The following PTPRD variants were observed in gnomAD, a reference collection of about 807,000 sequenced individuals.
PTPRD encodes protein tyrosine phosphatase receptor type D.
In PTPRD, 34 loss-of-function variants were observed where a neutral mutation model predicts 214.5. The observed-to-expected ratio is 0.16, with a 90% CI of 0.12 to 0.21. The LOEUF (loss-of-function observed/expected upper bound fraction) is 0.21, where lower values mean the gene tolerates loss of function less well. Ranked by LOEUF, PTPRD falls within the 10% of genes least tolerant of loss-of-function variation. The pLI is 1.00. For missense variants in PTPRD, 2,545 were observed against 2,398.7 expected (o/e 1.06, Z -1.27); for synonymous variants, 1,128 against 845.7 (o/e 1.33, Z -5.79).
chr9:8,387,536 C>T (rs961904531), intron 37 of PTPRD, among the ~76,000 whole-genome samples: 1 of 152,170 alleles, frequency 6.6e-6, no homozygotes, highest in African/African-American at 2.4e-5. Context: ...TATCTCCAGG[C>T]AGAACAGACT....
At chr9:9,405,711 C>G (rs924651616) in intron 8 of PTPRD, among the ~76,000 whole-genome samples, 27 of 152,090 alleles carry the variant, frequency 1.8e-4, no homozygotes, top group Admixed American at 1.3e-3. Flanking sequence ...GTGGTTGGTG[C>G]AAAATCGAAT....
chr9:9,222,746 T>C (rs1238737720), intron 9 of PTPRD, among the ~76,000 whole-genome samples: 1 of 152,044 alleles, frequency 6.6e-6, no homozygotes, highest in Non-Finnish European at 1.5e-5. Flanking sequence ...TCAATAGATG[T>C]TGTTTACAGT....
intron 2 of PTPRD, among the ~76,000 whole-genome samples, chr9:10,428,712 A>G (rs1303630462): frequency 6.6e-6 from 1 of 152,118 alleles, no homozygotes; most frequent in Non-Finnish European, 1.5e-5. Context: ...ATCTCTTACT[A>G]AAATCTATGG....
At chr9:10,007,495 G>T (rs1470302015) in intron 4 of PTPRD, among the ~76,000 whole-genome samples, 1 of 151,986 alleles carries the variant, frequency 6.6e-6, no homozygotes, top group East Asian at 1.9e-4. Flanking sequence ...AGTTAAATAA[G>T]ACAGAAGGCC....
intron 2 of PTPRD, among the ~76,000 whole-genome samples, chr9:10,361,269 A>T (rs1161800387): frequency 1.3e-5 from 2 of 152,288 alleles, no homozygotes; most frequent in African/African-American, 4.8e-5. Flanking sequence ...GTGGTATCTC[A>T]TGTCATGGAG....
At position 9,300,315 on chromosome 9, in the gene PTPRD, C is replaced by A. The variant is rs927552619; in HGVS notation, c.-203+97134G>T. On this transcript the variant is annotated intron_variant, in intron 9 of 45. Transcript: ENST00000381196. ...CTAATTTGTATACACTATTTTGTATCTTAAGCTCCTCCTTCCAGATCAATG... is the reference window on the plus strand; with the variant it reads ...CTAATTTGTATACACTATTTTGTATATTAAGCTCCTCCTTCCAGATCAATG... 4.6e-5 allele frequency among the ~76,000 whole-genome samples: 7 copies of A among 151,714 alleles called. No homozygotes were observed. In the East Asian group the frequency reaches 1.2e-3, roughly 25 times the overall value.
At chr9:9,779,909 T>C (rs1441021742) in intron 5 of PTPRD, among the ~76,000 whole-genome samples, 1 of 152,208 alleles carries the variant, frequency 6.6e-6, no homozygotes, top group Non-Finnish European at 1.5e-5. Flanking sequence ...TTACTGGGTA[T>C]ATACCCCAAA....
chr9:9,175,641 A>AC lies in PTPRD; in HGVS notation c.-143+7662_-143+7663insG, dbSNP rs148825813. On this transcript the variant is annotated intron_variant, in intron 10 of 45. Transcript: ENST00000381196. ...CTGTCTCAAAAAAAAAAAAAAAAAA[A>AC]AAAAAAAAAGAGTTTTAACAATTCT... is the stretch of plus-strand genomic sequence containing the variant. Among the ~76,000 whole-genome samples the AC allele has an allele frequency of 4.1e-4, 57 of 140,400 alleles. 1 individual carries two copies. Among genetic ancestry groups the AC allele is most frequent in the African/African-American group, 7.9e-4 (30 of 38,080 alleles). 92.1% of individuals were successfully genotyped at this position (140,400 alleles called of 152,430 possible).
chr9:8,645,989 T>G (rs999650740), intron 12 of PTPRD, among the ~76,000 whole-genome samples: 4 of 152,018 alleles, frequency 2.6e-5, no homozygotes, highest in African/African-American at 9.7e-5. Flanking sequence ...TTATCCCTCT[T>G]TTTTGTACCC....
At chr9:10,235,944 A>C (rs2099627521) in intron 3 of PTPRD, among the ~76,000 whole-genome samples, 1 of 151,922 alleles carries the variant, frequency 6.6e-6, no homozygotes, top group Non-Finnish European at 1.5e-5. Flanking sequence ...CAGGGTCTAT[A>C]GTTATTCTCA....
At chr9:9,913,564 T>A (rs1015118001) in intron 5 of PTPRD, among the ~76,000 whole-genome samples, 5 of 151,906 alleles carry the variant, frequency 3.3e-5, no homozygotes, top group Non-Finnish European at 7.4e-5. Flanking sequence ...GACTGGAAAT[T>A]CAGGAGGGCA....
intron 10 of PTPRD, among the ~76,000 whole-genome samples, chr9:9,114,655 C>G (rs1194084903): frequency 6.6e-6 from 1 of 152,030 alleles, no homozygotes; most frequent in African/African-American, 2.4e-5. Flanking sequence ...CTTCCCCCGA[C>G]AAAGATTTCA....
intron 9 of PTPRD, among the ~76,000 whole-genome samples, chr9:9,293,181 T>C (rs1951778090): frequency 6.6e-6 from 1 of 151,606 alleles, no homozygotes; most frequent in Non-Finnish European, 1.5e-5. Flanking sequence ...ATAGGAGATT[T>C]GTCTATTCTT....
intron 9 of PTPRD, among the ~76,000 whole-genome samples, chr9:9,336,583 G>C (rs899421981): frequency 6.6e-6 from 1 of 151,884 alleles, no homozygotes; most frequent in African/African-American, 2.4e-5. Context: ...TCTCTATATG[G>C]GTTGGCAGGT....
At chr9:8,987,718 G>C (rs2099351300) in intron 11 of PTPRD, among the ~76,000 whole-genome samples, 1 of 152,106 alleles carries the variant, frequency 6.6e-6, no homozygotes. Context: ...CACCACATCA[G>C]CCTTTAAGAA....
At chr9:8,755,450 A>C (rs928233364) in intron 11 of PTPRD, among the ~76,000 whole-genome samples, 2 of 150,980 alleles carry the variant, frequency 1.3e-5, no homozygotes, top group Admixed American at 6.6e-5. Context: ...AATCACTTGA[A>C]CCTGGCAGGC....
At chr9:8,919,883 C>T (rs2098814241) in intron 11 of PTPRD, among the ~76,000 whole-genome samples, 1 of 135,156 alleles carries the variant, frequency 7.4e-6, no homozygotes, top group Admixed American at 7.2e-5. Context: ...ATGTATCATG[C>T]ATACATAGAT....
intron 7 of PTPRD, among the ~76,000 whole-genome samples, chr9:9,644,279 C>T (rs1320217870): frequency 6.6e-6 from 1 of 152,048 alleles, no homozygotes; most frequent in African/African-American, 2.4e-5. Flanking sequence ...CAGGCTGGAA[C>T]TGGGAGGGGA....
chr9:9,363,116 T>C (rs970571811), intron 9 of PTPRD, among the ~76,000 whole-genome samples: 3 of 149,990 alleles, frequency 2.0e-5, no homozygotes, highest in Non-Finnish European at 3.0e-5. Flanking sequence ...TTGTGCTTTT[T>C]TTTTTTTTTT....
Sources: allele counts gnomAD v4.1 joint callset (sites outside exome capture counted in the v4.1 genomes callset), GRCh38; gene constraint gnomAD v4.1.1; transcripts MANE v1.5; gene names NCBI Gene and HGNC (gene_info 2026-07-23, HGNC 2026-07-21).